Variants in SIPA1L3 observed in about 807,000 individuals in gnomAD.
SIPA1L3 encodes signal-induced proliferation-associated 1-like protein 3.
SIPA1L3 carries 59 observed loss-of-function variants against 150.1 expected under a neutral mutation model. The observed-to-expected ratio is 0.39, with a 90% CI of 0.32 to 0.49. The LOEUF is 0.49. Among genes scored for constraint, SIPA1L3 ranks in the 20% least tolerant of loss-of-function variants. SIPA1L3 has a pLI of 0.86. For missense variants in SIPA1L3, 2,211 were observed against 2,489.5 expected (o/e 0.89, Z 2.38); for synonymous variants, 1,070 against 1,077.6 (o/e 0.99, Z 0.14).
At chr19:38,195,377 T>A (rs1259563865) in intron 18 of SIPA1L3, among the ~76,000 whole-genome samples, 1 of 152,126 alleles carries the variant, frequency 6.6e-6, no homozygotes, top group Non-Finnish European at 1.5e-5. Flanking sequence ...TCCCCTGCGC[T>A]CCCTTCCTGT....
At chr19:38,177,158 G>A (rs1319504948) in intron 15 of SIPA1L3, among the ~76,000 whole-genome samples, 7 of 151,814 alleles carry the variant, frequency 4.6e-5, no homozygotes, top group Non-Finnish European at 2.9e-5. Context: ...TCAGGAGATC[G>A]AGACCACCCT....
At chr19:38,100,263 C>G in intron 5 of SIPA1L3, 113 bp downstream of exon 5, 1 of 826,634 alleles carries the variant, frequency 1.2e-6, no homozygotes, top group Non-Finnish European at 1.8e-6. Flanking sequence ...TAACAGAAAC[C>G]TACTTAAGCT....
chr19:37,938,511 T>A (rs1193271552), intron 1 of SIPA1L3, among the ~76,000 whole-genome samples: 1 of 152,242 alleles, frequency 6.6e-6, no homozygotes, highest in Non-Finnish European at 1.5e-5. Flanking sequence ...GAAATCTCAT[T>A]GTGGTTAATT....
At chr19:38,055,317 C>T (rs1041924024) in intron 2 of SIPA1L3, among the ~76,000 whole-genome samples, 3 of 152,198 alleles carry the variant, frequency 2.0e-5, no homozygotes, top group African/African-American at 7.2e-5. Flanking sequence ...GAGCAGGCTC[C>T]TTCTGACTCC....
intron 2 of SIPA1L3, among the ~76,000 whole-genome samples, chr19:38,048,818 C>A: frequency 6.6e-6 from 1 of 152,090 alleles, no homozygotes. Context: ...AGGCTGGGCG[C>A]GGTGGCTCAC....
rs371086622 is a variant in SIPA1L3, at chr19:38,132,096, G to GA, written c.3143+1334dup. ...CATCTCTGCATCTCTGCCTAAAGGA[G>GA]AAAAAAAAAACAGTGCAGTTGTAGC... On this transcript the variant is annotated intron_variant, in intron 10 of 21. Coordinates refer to ENST00000222345, the MANE Select transcript of SIPA1L3 (RefSeq NM_015073.3). Among the ~76,000 whole-genome samples, 514 of 147,224 alleles carry GA rather than the reference G, an allele frequency of 3.5e-3. 2 individuals are homozygous for GA. Among genetic ancestry groups the GA allele is most frequent in the Admixed American group, 6.6e-3 (97 of 14,758 alleles).
At chr19:38,118,208 A>G (rs1970933028) in intron 8 of SIPA1L3, among the ~76,000 whole-genome samples, 1 of 152,186 alleles carries the variant, frequency 6.6e-6, no homozygotes, top group African/African-American at 2.4e-5. Flanking sequence ...ATAAAGCCGT[A>G]TAACAAACCA....
In SIPA1L3 at chr19:38,175,290, T is replaced by C. The variant is rs772744247; in HGVS notation, c.4209-7229T>C. Among the ~76,000 whole-genome samples, 27 of 151,850 alleles carry C rather than the reference T, an allele frequency of 1.8e-4. 1 individual carries two copies. The highest frequency in any genetic ancestry group is 3.4e-4 in the Non-Finnish European group (23 of 67,982). On this transcript the variant is annotated intron_variant, in intron 15 of 21. Coordinates refer to ENST00000222345, the MANE Select transcript of SIPA1L3 (RefSeq NM_015073.3). Reference sequence around the variant, plus strand: ...TCACTGCCACCTACTGTGCCACTGCTCCTCCTGGAGGCAGGGACCACAGCT... The same window carrying C: ...TCACTGCCACCTACTGTGCCACTGCCCCTCCTGGAGGCAGGGACCACAGCT...
chr19:38,063,667 G>A (rs896936582), intron 2 of SIPA1L3, among the ~76,000 whole-genome samples: 2 of 152,122 alleles, frequency 1.3e-5, no homozygotes, highest in East Asian at 1.9e-4. Flanking sequence ...AGGAGGGCGC[G>A]TACTAAGTAT....
At chr19:38,067,573 G>A (rs890645670) in intron 2 of SIPA1L3, among the ~76,000 whole-genome samples, 3 of 152,026 alleles carry the variant, frequency 2.0e-5, no homozygotes, top group African/African-American at 4.8e-5. Context: ...GACCAGCCTG[G>A]CCAACATGGC....
intron 1 of SIPA1L3, among the ~76,000 whole-genome samples, chr19:38,020,312 T>C (rs977617801): frequency 2.0e-5 from 3 of 152,116 alleles, no homozygotes; most frequent in Admixed American, 6.6e-5. Context: ...TTTTTTTCCG[T>C]TCATTCTTCC....
intron 8 of SIPA1L3, 26 bp from the exon 9 acceptor site, chr19:38,119,280 C>A: frequency 6.3e-7 from 1 of 1,580,730 alleles, no homozygotes; most frequent in Non-Finnish European, 8.6e-7. Flanking sequence ...TTCTTCCCAC[C>A]ATCTAAATAA....
intron 2 of SIPA1L3, among the ~76,000 whole-genome samples, chr19:38,059,025 CAAA>C (rs74176410): frequency 4.4e-5 from 4 of 90,820 alleles, no homozygotes; most frequent in Non-Finnish European, 2.2e-5. Context: ...AACTCTGTCT[CAAA>C]AAAAAAAAAA....
intron 2 of SIPA1L3, among the ~76,000 whole-genome samples, chr19:38,054,171 C>G (rs1969266619): frequency 1.3e-5 from 2 of 151,502 alleles, no homozygotes; most frequent in South Asian, 4.2e-4. Context: ...ATGGAGAAAC[C>G]CCTTCTCTAC....
intron 1 of SIPA1L3, among the ~76,000 whole-genome samples, chr19:38,014,135 G>C (rs199556661): frequency 2.6e-5 from 4 of 152,194 alleles, no homozygotes; most frequent in African/African-American, 9.7e-5. Flanking sequence ...GCCTGTCTGC[G>C]AGCATCCTCC....
At chr19:37,968,892 G>C (rs1055138176) in intron 1 of SIPA1L3, among the ~76,000 whole-genome samples, 2 of 152,228 alleles carry the variant, frequency 1.3e-5, no homozygotes, top group African/African-American at 4.8e-5. Flanking sequence ...GGGAGGGGAA[G>C]GTGGTCGATT....
chr19:37,979,411 G>T (rs1298312357), intron 1 of SIPA1L3, among the ~76,000 whole-genome samples: 1 of 151,744 alleles, frequency 6.6e-6, no homozygotes. Flanking sequence ...ACAAAAATTA[G>T]CTGGGCGTGA....
chr19:38,180,537 C>CTTTTT (rs60445902), intron 15 of SIPA1L3, among the ~76,000 whole-genome samples: 2 of 124,676 alleles, frequency 1.6e-5, no homozygotes, highest in African/African-American at 3.0e-5. Flanking sequence ...TTTTTCTTTT[C>CTTTTT]TTTTTTTTTT....
chr19:37,966,464 G>A (rs1254879314), intron 1 of SIPA1L3, among the ~76,000 whole-genome samples: 3 of 152,166 alleles, frequency 2.0e-5, no homozygotes, highest in Non-Finnish European at 2.9e-5. Context: ...AGCATGGAGC[G>A]GTGGGTCTCA....
Sources: allele counts gnomAD v4.1 joint callset (sites outside exome capture counted in the v4.1 genomes callset), GRCh38; gene constraint gnomAD v4.1.1; transcripts MANE v1.5; gene names NCBI Gene and HGNC (gene_info 2026-07-23, HGNC 2026-07-21).